SEMA6D: variants seen among roughly 807,000 people sequenced by gnomAD.
SEMA6D encodes the protein semaphorin 6D.
Under a neutral mutation model 106.6 loss-of-function variants are expected in SEMA6D, and 35 were observed. That is an observed-to-expected ratio of 0.33 (90% CI 0.25 to 0.44). SEMA6D has a LOEUF of 0.44. Ranked by LOEUF, SEMA6D falls within the 20% of genes least tolerant of loss-of-function variation. SEMA6D has a pLI of 1.00. For synonymous variants in SEMA6D, 499 were observed against 487.7 expected (o/e 1.02, Z -0.31); for missense variants, 1,185 against 1,345.9 (o/e 0.88, Z 1.87).
At chr15:47,661,275 T>G (rs1404448616) in intron 4 of SEMA6D, among the ~76,000 whole-genome samples, 3 of 152,266 alleles carry the variant, frequency 2.0e-5, no homozygotes, top group African/African-American at 4.8e-5. Context: ...TTTTACATAC[T>G]TTCACATCCT....
chr15:47,343,386 C>G (rs1194241861), intron 1 of SEMA6D, among the ~76,000 whole-genome samples: 3 of 151,796 alleles, frequency 2.0e-5, no homozygotes, highest in Non-Finnish European at 4.4e-5. Context: ...AGGTATATCT[C>G]CTAATGCTAT....
At chr15:47,193,402 G>A (rs1460124379) in intron 1 of SEMA6D, among the ~76,000 whole-genome samples, 1 of 152,088 alleles carries the variant, frequency 6.6e-6, no homozygotes, top group Non-Finnish European at 1.5e-5. Context: ...TAGGGATGCT[G>A]AACTTGTAAG....
chr15:47,188,498 T>A (rs1382544641), intron 1 of SEMA6D, among the ~76,000 whole-genome samples: 4 of 152,146 alleles, frequency 2.6e-5, no homozygotes, highest in Non-Finnish European at 4.4e-5. Flanking sequence ...TCTGATAAAT[T>A]AGTATTTTTA....
chr15:47,210,203 G>T (rs767586214), intron 1 of SEMA6D, among the ~76,000 whole-genome samples: 1 of 152,054 alleles, frequency 6.6e-6, no homozygotes, highest in Non-Finnish European at 1.5e-5. Context: ...GACTTTAGTG[G>T]AACCCTGAAT....
At chr15:47,331,731 A>C (rs1205764024) in intron 1 of SEMA6D, among the ~76,000 whole-genome samples, 1 of 152,220 alleles carries the variant, frequency 6.6e-6, no homozygotes, top group African/African-American at 2.4e-5. Context: ...ATGCAAATAC[A>C]GTTTGCAAAT....
intron 1 of SEMA6D, among the ~76,000 whole-genome samples, chr15:47,258,901 CTG>C (rs1258770442): frequency 6.6e-6 from 1 of 151,980 alleles, no homozygotes; most frequent in African/African-American, 2.4e-5. Flanking sequence ...CATTCTTCCT[CTG>C]TTTTTCTTTC....
intron 1 of SEMA6D, among the ~76,000 whole-genome samples, chr15:47,201,158 A>G (rs1397409352): frequency 6.6e-6 from 1 of 152,236 alleles, no homozygotes; most frequent in African/African-American, 2.4e-5. Context: ...TTATTTCTAC[A>G]TTATGCTTCT....
intron 3 of SEMA6D, among the ~76,000 whole-genome samples, chr15:47,508,438 A>G (rs2044121726): frequency 6.6e-6 from 1 of 152,184 alleles, no homozygotes; most frequent in Non-Finnish European, 1.5e-5. Flanking sequence ...CTCCAAGAGG[A>G]TGGCCCCATG....
intron 1 of SEMA6D, among the ~76,000 whole-genome samples, chr15:47,326,330 T>C (rs1360673085): frequency 6.6e-6 from 1 of 152,212 alleles, no homozygotes; most frequent in Non-Finnish European, 1.5e-5. Context: ...AGTGCAGCAG[T>C]CACACTACCC....
chr15:47,632,943 A>G (rs2077318041), intron 4 of SEMA6D, among the ~76,000 whole-genome samples: 1 of 152,030 alleles, frequency 6.6e-6, no homozygotes. Context: ...AGGTTGCCTT[A>G]AGTATTATAC....
At chr15:47,472,716 A>G (rs538440256) in intron 3 of SEMA6D, among the ~76,000 whole-genome samples, 1 of 152,352 alleles carries the variant, frequency 6.6e-6, no homozygotes, top group East Asian at 1.9e-4. Context: ...AGTAGAATTG[A>G]GGATTAAATG....
At chr15:47,370,625 A>T (rs2039236050) in intron 1 of SEMA6D, among the ~76,000 whole-genome samples, 1 of 149,384 alleles carries the variant, frequency 6.7e-6, no homozygotes, top group African/African-American at 2.5e-5. Context: ...TGGGTGGATC[A>T]CTTGAGGTCA....
At chr15:47,343,076 C>G (rs1203067825) in intron 1 of SEMA6D, among the ~76,000 whole-genome samples, 1 of 151,996 alleles carries the variant, frequency 6.6e-6, no homozygotes, top group Non-Finnish European at 1.5e-5. Flanking sequence ...TGTATCTTCC[C>G]TGTTGATTTC....
intron 4 of SEMA6D, among the ~76,000 whole-genome samples, chr15:47,654,083 T>G (rs1002812322): frequency 2.6e-5 from 4 of 152,188 alleles, no homozygotes; most frequent in Admixed American, 2.6e-4. Context: ...ACAAAATTAG[T>G]GTTGTCTTCA....
intron 4 of SEMA6D, among the ~76,000 whole-genome samples, chr15:47,602,559 A>G (rs1338134926): frequency 6.6e-6 from 1 of 151,660 alleles, no homozygotes; most frequent in Non-Finnish European, 1.5e-5. Context: ...TTACTGATCA[A>G]TTTCTTATTT....
chr15:47,670,726 T>C (rs761510612), intron 4 of SEMA6D, among the ~76,000 whole-genome samples: 1 of 152,186 alleles, frequency 6.6e-6, no homozygotes, highest in Non-Finnish European at 1.5e-5. Flanking sequence ...CCTCCCTCTT[T>C]CCTGACTCCT....
chr15:47,451,833 T>G (rs1400271079), intron 2 of SEMA6D, among the ~76,000 whole-genome samples: 2 of 152,050 alleles, frequency 1.3e-5, no homozygotes, highest in African/African-American at 4.8e-5. Flanking sequence ...GGGGAATATT[T>G]GCAGGCAATG....
intron 3 of SEMA6D, among the ~76,000 whole-genome samples, chr15:47,524,726 C>A (rs995408497): frequency 1.3e-5 from 2 of 152,092 alleles, no homozygotes; most frequent in African/African-American, 4.8e-5. Flanking sequence ...ATCCTTGGGG[C>A]AAATAAGGAA....
intron 3 of SEMA6D, among the ~76,000 whole-genome samples, chr15:47,480,566 G>A (rs1430812262): frequency 3.3e-5 from 5 of 151,976 alleles, no homozygotes; most frequent in Admixed American, 3.3e-4. Context: ...CCAAATATTT[G>A]TTTTCACACC....
Sources: allele counts gnomAD v4.1 joint callset (sites outside exome capture counted in the v4.1 genomes callset), GRCh38; gene constraint gnomAD v4.1.1; transcripts MANE v1.5; gene names NCBI Gene and HGNC (gene_info 2026-07-23, HGNC 2026-07-21).